UTP4: variants seen among roughly 807,000 people sequenced by gnomAD.
UTP4 encodes U3 small nucleolar RNA-associated protein 4 homolog.
Under a neutral mutation model 82.4 loss-of-function variants are expected in UTP4, and 45 were observed. That is an observed-to-expected ratio of 0.55 (90% CI 0.43 to 0.70). The LOEUF (loss-of-function observed/expected upper bound fraction) is 0.70. UTP4 is among the 30% of genes least tolerant of loss of function. The pLI is 0.00. For missense variants in UTP4, 819 were observed against 858.3 expected, an observed-to-expected ratio of 0.95 and a Z score of 0.57; for synonymous variants, 348 against 300.3, an observed-to-expected ratio of 1.16 and a Z score of -1.64.
At chr16:69,143,525 G>T in intron 6 of UTP4, 136 bp downstream of exon 6, 3 of 800,522 alleles carry the variant, frequency 3.7e-6, no homozygotes, top group Non-Finnish European at 6.4e-6. Context: ...TTAGGAAAAT[G>T]CATCTGAAAA....
intron 10 of UTP4, among the ~76,000 whole-genome samples, chr16:69,155,405 A>G (rs1011011133): frequency 1.1e-4 from 16 of 151,132 alleles, no homozygotes; most frequent in East Asian, 5.9e-4. Context: ...GGCTCAAGCA[A>G]TCCTCCACCT....
chr16:69,156,128 T>A, intron 11 of UTP4, 135 bp downstream of exon 11: 1 of 854,322 alleles, frequency 1.2e-6, no homozygotes, highest in Non-Finnish European at 1.9e-6. Flanking sequence ...AAGGCTGTTA[T>A]GAAACAGTGT....
Position 69,154,469 on chromosome 16 carries a change from T to A in UTP4, c.1164+12T>A. 4 of 1,598,956 alleles carry A rather than the reference T, an allele frequency of 2.5e-6. No homozygotes were observed. The highest frequency in any genetic ancestry group is 3.4e-6 in the Non-Finnish European group (4 of 1,166,408). On this transcript the variant is annotated intron_variant, in intron 10 of 16. Coordinates refer to ENST00000314423, the MANE Select transcript of UTP4 (RefSeq NM_032830.3). Reference sequence around the variant, plus strand: ...ACCTAAAGACAAAGGTAAGGAAGTTTGTTTAGGCTCTGAATTCTAGAGCCT... The same window carrying A: ...ACCTAAAGACAAAGGTAAGGAAGTTAGTTTAGGCTCTGAATTCTAGAGCCT...
At chr16:69,143,604 A>G (rs1963027622) in intron 6 of UTP4, among the ~76,000 whole-genome samples, 1 of 152,230 alleles carries the variant, frequency 6.6e-6, no homozygotes, top group Non-Finnish European at 1.5e-5. Flanking sequence ...ATTAGTTAGC[A>G]GGGAGATTTT....
chr16:69,145,960 A>T (rs1381781969), intron 6 of UTP4, among the ~76,000 whole-genome samples: 1 of 152,070 alleles, frequency 6.6e-6, no homozygotes, highest in East Asian at 1.9e-4. Flanking sequence ...ATGAAATGGA[A>T]ATAAGTCCGA....
In UTP4 at chr16:69,153,687, T is replaced by A. The variant is rs1002882497; in HGVS notation, c.1099+7T>A. On this transcript the variant is annotated splice_region_variant and intron_variant, in intron 9 of 16. Transcript: ENST00000314423. ...GGATCCACAGTTGCAACAGGTAAGA[T>A]GGGAGCACGTTTTTTTCAATAAGAA... 3.8e-6 allele frequency: 6 copies of A among 1,592,828 alleles called. No homozygotes were observed. Among genetic ancestry groups the A allele is most frequent in the Admixed American group, 1.7e-5 (1 of 59,676 alleles).
intron 4 of UTP4, among the ~76,000 whole-genome samples, chr16:69,138,279 A>G (rs1962864711): frequency 7.0e-6 from 1 of 142,678 alleles, no homozygotes; most frequent in Non-Finnish European, 1.5e-5. Flanking sequence ...TCTGTCATCC[A>G]TGCTGGCAGT....
At chr16:69,134,282 T>A (rs1962745920) in intron 2 of UTP4, among the ~76,000 whole-genome samples, 1 of 151,902 alleles carries the variant, frequency 6.6e-6, no homozygotes, top group Non-Finnish European at 1.5e-5. Context: ...AATGAGTGAA[T>A]TCAGTGCCCA....
At position 69,137,664 on chromosome 16, in the gene UTP4, T is replaced by G. The variant is rs375840227; in HGVS notation, c.352-137T>G. ...AGTACTTTCTCTCACAAATGATTTTTCTTTTTCACGGCAACTGATAGCTTT... is the reference window on the plus strand; with the variant it reads ...AGTACTTTCTCTCACAAATGATTTTGCTTTTTCACGGCAACTGATAGCTTT... On this transcript the variant is annotated intron_variant, in intron 3 of 16. Coordinates refer to ENST00000314423, the MANE Select transcript of UTP4 (RefSeq NM_032830.3). The G allele has an allele frequency of 2.0e-5, 13 of 648,976 alleles. No homozygotes were observed. The African/African-American group carries it at 2.2e-4, about 11-fold the overall frequency. 40.2% of individuals were successfully genotyped at this position (648,976 alleles called of 1,614,324 possible). A position where few individuals can be genotyped will look rare whatever the true frequency, so the allele number is the denominator to read the frequency against.
At chr16:69,155,268 G>A (rs1963380457) in intron 10 of UTP4, among the ~76,000 whole-genome samples, 1 of 151,970 alleles carries the variant, frequency 6.6e-6, no homozygotes, top group Admixed American at 6.6e-5. Context: ...CAACCTCCCA[G>A]GCTCAGGTGA....
chr16:69,138,958 CTTTTTTTTTTTT>C (rs898342829), intron 4 of UTP4: 3 of 80,752 alleles, frequency 3.7e-5, no homozygotes, highest in Non-Finnish European at 7.3e-5. Context: ...CTTGGGTGCT[CTTTTTTTTTTTT>C]TTTTTTTTTT....
chr16:69,157,301 T>G (rs1963444951), intron 12 of UTP4, 61 bp downstream of exon 12: 6 of 1,567,270 alleles, frequency 3.8e-6, no homozygotes, highest in Non-Finnish European at 5.2e-6. Flanking sequence ...ACTTTTTTGC[T>G]TTTAAGCCTC....
chr16:69,163,022 A>C, intron 13 of UTP4, 61 bp from the exon 14 acceptor site: 1 of 1,292,242 alleles, frequency 7.7e-7, no homozygotes, highest in Non-Finnish European at 1.1e-6. Flanking sequence ...TAGACCATTC[A>C]ATCTTTGCTG....
At chr16:69,136,977 T>A in intron 3 of UTP4, 90 bp downstream of exon 3, 1 of 1,108,982 alleles carries the variant, frequency 9.0e-7, no homozygotes, top group Non-Finnish European at 1.4e-6. Context: ...AGTAACGATA[T>A]ATTATGGCAT....
chr16:69,141,308 T>C (rs998281666), intron 5 of UTP4, among the ~76,000 whole-genome samples: 2 of 152,234 alleles, frequency 1.3e-5, no homozygotes, highest in East Asian at 3.8e-4. Flanking sequence ...GTTATTCACT[T>C]TCTTGGTTTA....
intron 2 of UTP4, among the ~76,000 whole-genome samples, chr16:69,133,955 GAGTATC>G (rs1220266638): frequency 6.6e-6 from 1 of 152,196 alleles, no homozygotes; most frequent in Non-Finnish European, 1.5e-5. Flanking sequence ...TTCCTGCAGG[GAGTATC>G]AGTACTGTTT....
At chr16:69,137,470 G>C (rs1962839701) in intron 3 of UTP4, among the ~76,000 whole-genome samples, 1 of 152,138 alleles carries the variant, frequency 6.6e-6, no homozygotes, top group African/African-American at 2.4e-5. Context: ...AATGTTAGTA[G>C]GTCTTTTATT....
At chr16:69,146,668 C>G (rs1963116880) in intron 6 of UTP4, among the ~76,000 whole-genome samples, 1 of 151,672 alleles carries the variant, frequency 6.6e-6, no homozygotes, top group Admixed American at 6.6e-5. Context: ...CGAGACCAGC[C>G]TGGCCAGTAT....
rs1481588937 is a variant in UTP4 at position 69,137,830 on chromosome 16, A to G, written c.381A>G (p.Leu127=). ...LVGCEDGSVK[L]FQITPDKIQF... ...GTTGTGAAGATGGATCTGTGAAACT[A>G]TTTCAAATTACCCCAGACAAAATCC... Residue 127 remains leucine (L), a synonymous_variant, in exon 4 of 17, where the codon CTA becomes CTG. Coordinates refer to ENST00000314423, the MANE Select transcript of UTP4 (RefSeq NM_032830.3). The G allele has an allele frequency of 2.5e-6, 4 of 1,613,000 alleles. No homozygotes were observed. Among genetic ancestry groups the G allele is most frequent in the Non-Finnish European group, 8.5e-7 (1 of 1,179,082 alleles).
Sources: allele counts gnomAD v4.1 joint callset (sites outside exome capture counted in the v4.1 genomes callset), GRCh38; gene constraint gnomAD v4.1.1; transcripts MANE v1.5; gene names NCBI Gene and HGNC (gene_info 2026-07-23, HGNC 2026-07-21).